Variants in CD96 observed in about 807,000 individuals in gnomAD.
CD96 encodes the protein CD96 molecule, also known as T-cell surface protein tactile.
CD96 carries 70 observed loss-of-function variants against 71.3 expected under a neutral mutation model. That is an observed-to-expected ratio of 0.98 (90% CI 0.81 to 1.20). The LOEUF is 1.20. Ranked by LOEUF, CD96 falls within the 50% of genes most tolerant of loss-of-function variation. The pLI is 0.00. For synonymous variants in CD96, 248 were observed against 233.0 expected (o/e 1.06, Z -0.59); for missense variants, 742 against 677.5 (o/e 1.10, Z -1.06).
intron 5 of CD96, among the ~76,000 whole-genome samples, chr3:111,589,394 A>G (rs975356761): frequency 3.9e-5 from 6 of 152,220 alleles, no homozygotes; most frequent in Non-Finnish European, 8.8e-5. Flanking sequence ...CTAATGTGCC[A>G]TAAAATTTCC....
intron 13 of CD96, among the ~76,000 whole-genome samples, chr3:111,648,962 A>G (rs1939957397): frequency 6.6e-6 from 1 of 152,220 alleles, no homozygotes; most frequent in Non-Finnish European, 1.5e-5. Context: ...AGTTCTTTGT[A>G]CAAAGATGAC....
intron 4 of CD96, among the ~76,000 whole-genome samples, chr3:111,583,565 A>G (rs568666819): frequency 2.0e-5 from 3 of 152,358 alleles, no homozygotes; most frequent in Admixed American, 2.0e-4. Flanking sequence ...TTTGCTGGGT[A>G]TTCAGACATT....
chr3:111,621,117 G>A (rs757239317), intron 8 of CD96, among the ~76,000 whole-genome samples: 4 of 152,174 alleles, frequency 2.6e-5, no homozygotes, highest in Non-Finnish European at 5.9e-5. Flanking sequence ...GTTGCTTGCA[G>A]GTAAGATATA....
At position 111,649,941 on chromosome 3, in the gene CD96, T is replaced by C. The variant is rs1940004216; in HGVS notation, c.*135T>C. ...AAATGGAAGTCAGAAGTGAGTGACC[T>C]GTTTTCCCAGCAACTCACCCTCTTC... On this transcript the variant is annotated 3_prime_UTR_variant, in exon 14 of 14. Coordinates refer to ENST00000352690, the MANE Select transcript of CD96 (RefSeq NM_005816.5). 2 of 709,468 alleles carry C rather than the reference T, an allele frequency of 2.8e-6. No individual in the cohort carries two copies. The highest frequency in any genetic ancestry group is 4.0e-5 in the Admixed American group (2 of 49,972). 43.9% of individuals were successfully genotyped at this position (709,468 alleles called of 1,614,324 possible).
chr3:111,568,838 C>G (rs934834981), intron 3 of CD96, among the ~76,000 whole-genome samples: 11 of 152,186 alleles, frequency 7.2e-5, no homozygotes, highest in African/African-American at 2.4e-4. Flanking sequence ...CCAGTGTATA[C>G]AGTAAACCCC....
intron 2 of CD96, among the ~76,000 whole-genome samples, chr3:111,549,474 A>C (rs983578404): frequency 6.6e-6 from 1 of 152,076 alleles, no homozygotes; most frequent in Non-Finnish European, 1.5e-5. Context: ...TTTGTTTTGC[A>C]TTTCAAAAAT....
chr3:111,584,170 C>A (rs907560906), intron 4 of CD96, among the ~76,000 whole-genome samples: 1 of 152,200 alleles, frequency 6.6e-6, no homozygotes, highest in Admixed American at 6.5e-5. Context: ...AGGGCATAGG[C>A]AAAATGCTGC....
At chr3:111,653,990 T>C (rs1395601064), downstream of CD96, among the ~76,000 whole-genome samples, 1 of 152,128 alleles carries the variant, frequency 6.6e-6, no homozygotes, top group Non-Finnish European at 1.5e-5. Context: ...TAGAGAAACT[T>C]ACTAAGGCCA....
At chr3:111,569,676 C>T (rs1935885662) in intron 3 of CD96, among the ~76,000 whole-genome samples, 1 of 152,196 alleles carries the variant, frequency 6.6e-6, no homozygotes, top group Admixed American at 6.5e-5. Flanking sequence ...CTTATCTTGT[C>T]TCATGGGTAT....
intron 8 of CD96, 65 bp from the exon 9 acceptor site, chr3:111,623,689 G>A (rs1938611409): frequency 1.0e-6 from 1 of 961,380 alleles, no homozygotes. Context: ...GTTAAATGTA[G>A]TGGCACAGTT....
At chr3:111,663,219 AACTC>A (rs1253511585) in intron 14 of CD96, among the ~76,000 whole-genome samples, 2 of 151,980 alleles carry the variant, frequency 1.3e-5, no homozygotes, top group Admixed American at 6.6e-5. Context: ...ATCTCGTGAG[AACTC>A]ACTCACTATC....
At chr3:111,573,646 G>GAA (rs1936090607) in intron 3 of CD96, among the ~76,000 whole-genome samples, 1 of 145,170 alleles carries the variant, frequency 6.9e-6, no homozygotes, top group African/African-American at 2.4e-5. Flanking sequence ...ATCATGAAGA[G>GAA]AAGGACAAGA....
At chr3:111,553,114 A>G (rs964402117) in intron 2 of CD96, among the ~76,000 whole-genome samples, 2 of 150,408 alleles carry the variant, frequency 1.3e-5, no homozygotes, top group African/African-American at 4.9e-5. Flanking sequence ...CACCAAAACT[A>G]AAAAAAAATT....
intron 12 of CD96, among the ~76,000 whole-genome samples, chr3:111,645,224 C>T (rs1939773482): frequency 6.6e-6 from 1 of 151,946 alleles, no homozygotes; most frequent in African/African-American, 2.4e-5. Context: ...TTTGCAGTGA[C>T]CTGGATGAGA....
At chr3:111,601,344 TA>T (rs975781722) in intron 7 of CD96, among the ~76,000 whole-genome samples, 1 of 152,202 alleles carries the variant, frequency 6.6e-6, no homozygotes, top group African/African-American at 2.4e-5. Context: ...TAGGAATGGA[TA>T]AAATGTGTAC....
chr3:111,617,828 C>G (rs1258519779), intron 8 of CD96, among the ~76,000 whole-genome samples: 1 of 152,212 alleles, frequency 6.6e-6, no homozygotes, highest in African/African-American at 2.4e-5. Context: ...CACCACATTG[C>G]AAGCAATGAG....
At chr3:111,634,557 CG>C (rs998675151) in intron 10 of CD96, 13 of 152,196 alleles carry the variant, frequency 8.5e-5, no homozygotes, top group African/African-American at 2.9e-4. Flanking sequence ...ATGCAGTTAA[CG>C]AACATAATGT....
intron 5 of CD96, among the ~76,000 whole-genome samples, chr3:111,596,687 T>C (rs1217471561): frequency 6.6e-6 from 1 of 152,246 alleles, no homozygotes; most frequent in Non-Finnish European, 1.5e-5. Context: ...CTGGACCAAC[T>C]GGAGATAAAA....
chr3:111,608,175 A>G (rs1251882327), intron 8 of CD96, among the ~76,000 whole-genome samples: 3 of 152,196 alleles, frequency 2.0e-5, no homozygotes, highest in Non-Finnish European at 2.9e-5. Context: ...TCTAGCATAT[A>G]GATGGTCTCA....
Sources: allele counts gnomAD v4.1 joint callset (sites outside exome capture counted in the v4.1 genomes callset), GRCh38; gene constraint gnomAD v4.1.1; transcripts MANE v1.5; gene names NCBI Gene and HGNC (gene_info 2026-07-23, HGNC 2026-07-21).